The following GRID2 variants were observed in gnomAD, a reference collection of about 807,000 sequenced individuals.
GRID2 encodes the protein glutamate ionotropic receptor delta type subunit 2.
A neutral mutation model predicts 114.8 loss-of-function variants in GRID2; 33 were observed. That is an observed-to-expected ratio of 0.29 (90% CI 0.22 to 0.38). The LOEUF (loss-of-function observed/expected upper bound fraction) is 0.38. GRID2 is among the 10% of genes least tolerant of loss of function. GRID2 has a pLI of 1.00. For missense variants in GRID2, 1,184 were observed against 1,257.7 expected (o/e 0.94, Z 0.89); for synonymous variants, 505 against 449.9 (o/e 1.12, Z -1.55).
chr4:93,309,006 T>A lies in GRID2; in HGVS notation c.1245+70516T>A, dbSNP rs149916168. Among the ~76,000 whole-genome samples, 329 of 152,326 alleles carry A rather than the reference T, an allele frequency of 2.2e-3. 2 individuals carry two copies. The highest frequency in any genetic ancestry group is 7.7e-3 in the African/African-American group (319 of 41,578). ...AAAATGTTCAACTCTCCTCCATACATAGACACCTCCTCTCCCCTTCTCTGC... is the reference window on the plus strand; with the variant it reads ...AAAATGTTCAACTCTCCTCCATACAAAGACACCTCCTCTCCCCTTCTCTGC... On this transcript the variant is annotated intron_variant, in intron 8 of 15. Coordinates refer to ENST00000282020, the MANE Select transcript of GRID2 (RefSeq NM_001510.4).
chr4:92,677,867 A>C (rs1733455581), intron 2 of GRID2, among the ~76,000 whole-genome samples: 1 of 152,088 alleles, frequency 6.6e-6, no homozygotes, highest in African/African-American at 2.4e-5. Flanking sequence ...TTTTCCCTAC[A>C]TCATCCAGGG....
At chr4:93,280,515 C>A (rs956020503) in intron 8 of GRID2, among the ~76,000 whole-genome samples, 1 of 151,852 alleles carries the variant, frequency 6.6e-6, no homozygotes, top group Admixed American at 6.6e-5. Context: ...ATAAATTTCC[C>A]CAGGATATAA....
intron 13 of GRID2, among the ~76,000 whole-genome samples, chr4:93,589,972 G>A (rs1388398760): frequency 3.3e-5 from 5 of 150,638 alleles, no homozygotes; most frequent in Non-Finnish European, 7.4e-5. Flanking sequence ...CAGATGAGTA[G>A]GTTGTGAAAA....
At chr4:93,774,613 A>T (rs1734317628), downstream of GRID2, 1 of 152,130 alleles carries the variant, frequency 6.6e-6, no homozygotes, top group African/African-American at 2.4e-5. Flanking sequence ...TTACTCTCTC[A>T]CAGATTGAAC....
intron 4 of GRID2, among the ~76,000 whole-genome samples, chr4:93,187,626 G>C (rs1187887516): frequency 1.3e-5 from 2 of 152,158 alleles, no homozygotes; most frequent in Non-Finnish European, 2.9e-5. Flanking sequence ...CTGAAGTGCA[G>C]AATCTCATCT....
Position 92,862,928 on chromosome 4 carries a change from T to C in GRID2, c.245-222067T>C, listed in dbSNP as rs114212543. Among the ~76,000 whole-genome samples the C allele has an allele frequency of 5.3e-3, 810 of 152,176 alleles. 1 individual carries two copies. The highest frequency in any genetic ancestry group is 0.019 in the African/African-American group (775 of 41,548). ...ACTCCTGGCACTTGAGACGGATTGA[T>C]AAATGCACAACAACTTTTAGAAAAC... On this transcript the variant is annotated intron_variant, in intron 2 of 15. Transcript: ENST00000282020.
At chr4:93,379,608 G>A (rs561664025) in intron 8 of GRID2, among the ~76,000 whole-genome samples, 34 of 152,142 alleles carry the variant, frequency 2.2e-4, no homozygotes, top group South Asian at 2.1e-4. Flanking sequence ...AACATATTGC[G>A]CAAAATAAAA....
intron 2 of GRID2, among the ~76,000 whole-genome samples, chr4:92,809,578 G>A (rs1419596539): frequency 6.6e-6 from 1 of 151,878 alleles, no homozygotes; most frequent in Non-Finnish European, 1.5e-5. Context: ...GTTCTAAATT[G>A]CAACATTCCA....
chr4:93,288,063 ATTTT>A (rs1176969393), intron 8 of GRID2, among the ~76,000 whole-genome samples: 1 of 152,166 alleles, frequency 6.6e-6, no homozygotes, highest in Non-Finnish European at 1.5e-5. Flanking sequence ...CCTAAAATTT[ATTTT>A]TAAGATTTGT....
intron 4 of GRID2, among the ~76,000 whole-genome samples, chr4:93,172,644 C>T (rs185569458): frequency 1.3e-5 from 2 of 151,752 alleles, no homozygotes; most frequent in African/African-American, 4.8e-5. Context: ...GAAAATATAT[C>T]TAATCAAAAA....
intron 2 of GRID2, among the ~76,000 whole-genome samples, chr4:92,619,666 A>G (rs1354835010): frequency 3.3e-5 from 5 of 151,736 alleles, no homozygotes; most frequent in Non-Finnish European, 7.4e-5. Flanking sequence ...TGCCATGCTA[A>G]AATTCAGTGT....
intron 2 of GRID2, among the ~76,000 whole-genome samples, chr4:93,031,032 ATTTTTTTTTTTT>A (rs576187018): frequency 2.8e-5 from 3 of 106,210 alleles, no homozygotes; most frequent in Admixed American, 2.2e-4. Flanking sequence ...TCCAATCTCC[ATTTTTTTTTTTT>A]TTTTTTTTTT....
intron 1 of GRID2, among the ~76,000 whole-genome samples, chr4:92,384,636 A>C: frequency 1.0e-5 from 1 of 95,464 alleles, no homozygotes; most frequent in East Asian, 2.6e-4. Flanking sequence ...TATATAATAT[A>C]TATTATATAT....
intron 1 of GRID2, among the ~76,000 whole-genome samples, chr4:92,396,564 TGTC>T (rs1405127896): frequency 6.6e-6 from 1 of 152,012 alleles, no homozygotes; most frequent in Non-Finnish European, 1.5e-5. Context: ...ATGAAGATTA[TGTC>T]ATACCTAGGA....
chr4:93,748,459 T>C (rs1340652296), intron 14 of GRID2, among the ~76,000 whole-genome samples: 1 of 152,136 alleles, frequency 6.6e-6, no homozygotes, highest in Admixed American at 6.6e-5. Flanking sequence ...AACAAGAACC[T>C]CTCTGCATCA....
At chr4:92,310,804 G>A (rs1259705920) in intron 1 of GRID2, among the ~76,000 whole-genome samples, 1 of 151,908 alleles carries the variant, frequency 6.6e-6, no homozygotes, top group Non-Finnish European at 1.5e-5. Flanking sequence ...ATTTAAGGAG[G>A]AACAGAAAGG....
Position 92,644,257 on chromosome 4 carries a change from A to T in GRID2, c.244+53971A>T, listed in dbSNP as rs546284645. 1.5e-4 allele frequency among the ~76,000 whole-genome samples: 23 copies of T among 151,942 alleles called. No homozygotes were observed. In the South Asian group the frequency reaches 4.1e-3, roughly 27 times the overall value. On this transcript the variant is annotated intron_variant, in intron 2 of 15. Coordinates refer to ENST00000282020, the MANE Select transcript of GRID2 (RefSeq NM_001510.4). Reference sequence around the variant, plus strand: ...AAATTAAGGAAATTATATTTTATTAAATGATACAACATATAAGTAAAATGT... The same window carrying T: ...AAATTAAGGAAATTATATTTTATTATATGATACAACATATAAGTAAAATGT...
chr4:93,670,189 C>T (rs544787822), intron 14 of GRID2, among the ~76,000 whole-genome samples: 9 of 152,190 alleles, frequency 5.9e-5, no homozygotes, highest in Middle Eastern at 6.8e-3. Context: ...TTTATTGGAA[C>T]GAATGATAAT....
intron 2 of GRID2, among the ~76,000 whole-genome samples, chr4:92,797,447 C>T (rs1246145597): frequency 6.6e-6 from 1 of 151,910 alleles, no homozygotes; most frequent in East Asian, 1.9e-4. Flanking sequence ...TGGTTTAATA[C>T]TAGATCTTTA....
Sources: gnomAD v4.1 joint callset for allele counts (sites outside exome capture counted in the v4.1 genomes callset) on GRCh38, gnomAD v4.1.1 for gene constraint, MANE v1.5 for transcripts, NCBI Gene and HGNC (gene_info 2026-07-23, HGNC 2026-07-21) for gene names.